Variants in ZSWIM6 observed in about 807,000 individuals in gnomAD.
The protein encoded by ZSWIM6 is zinc finger SWIM-type containing 6, also known as zinc finger SWIM domain-containing protein 6.
In ZSWIM6, 9 loss-of-function variants were observed where a neutral mutation model predicts 113.2. The observed-to-expected ratio is 0.08, with a 90% confidence interval of 0.05 to 0.14. ZSWIM6 has a LOEUF of 0.14. Among genes scored for constraint, ZSWIM6 ranks in the 10% least tolerant of loss-of-function variants. The probability of loss-of-function intolerance (pLI) is 1.00; values close to 1 mark genes in which losing one functional copy is unlikely to be tolerated. For missense variants in ZSWIM6, 1,162 were observed against 1,552.2 expected (o/e 0.75, Z 4.22); for synonymous variants, 611 against 606.5 (o/e 1.01, Z -0.11).
intron 1 of ZSWIM6, chr5:61,375,565 T>G: frequency 6.5e-7 from 1 of 1,536,616 alleles, no homozygotes; most frequent in South Asian, 1.2e-5. Context: ...AGAAACTGAA[T>G]CAGACAGTAA....
rs1580067699 is a variant in ZSWIM6, at chr5:61,531,412, A to G, written c.1985-53A>G. On this transcript the variant is annotated intron_variant, in intron 8 of 13. Transcript: ENST00000252744. ...AAGTATAAATATTTGTACTTATCAT[A>G]TCATCTGCAAAAGTAGTTTCTGAGC... is the stretch of plus-strand genomic sequence containing the variant. The G allele has an allele frequency of 8.6e-6, 13 of 1,513,562 alleles. No individual in the cohort carries two copies. In the Admixed American group the frequency reaches 2.5e-4, roughly 29 times the overall value. 93.8% of individuals were successfully genotyped at this position (1,513,562 alleles called of 1,614,324 possible).
At chr5:61,382,708 G>A (rs534961863) in intron 1 of ZSWIM6, among the ~76,000 whole-genome samples, 1 of 152,188 alleles carries the variant, frequency 6.6e-6, no homozygotes, top group Admixed American at 6.5e-5. Flanking sequence ...GGAAGGCTGA[G>A]GCAGGAGGAT....
At chr5:61,449,610 A>G (rs1245965277) in intron 1 of ZSWIM6, among the ~76,000 whole-genome samples, 1 of 152,208 alleles carries the variant, frequency 6.6e-6, no homozygotes, top group Admixed American at 6.5e-5. Context: ...GTAAAATTAT[A>G]TCAGTCTGCA....
chr5:61,425,807 G>A (rs1466572158), intron 1 of ZSWIM6, among the ~76,000 whole-genome samples: 1 of 152,206 alleles, frequency 6.6e-6, no homozygotes, highest in African/African-American at 2.4e-5. Flanking sequence ...AGAATGACAG[G>A]AATGTTGAGA....
intron 1 of ZSWIM6, among the ~76,000 whole-genome samples, chr5:61,434,796 G>A (rs906982471): frequency 6.6e-6 from 1 of 152,134 alleles, no homozygotes; most frequent in African/African-American, 2.4e-5. Flanking sequence ...GAGGGGTGGA[G>A]TGGAGGATGT....
chr5:61,345,847 T>A (rs1017900264), intron 1 of ZSWIM6, among the ~76,000 whole-genome samples: 1 of 152,224 alleles, frequency 6.6e-6, no homozygotes, highest in Non-Finnish European at 1.5e-5. Context: ...GAATTTACTC[T>A]TATGGAAATA....
At chr5:61,363,191 C>T (rs1745069125) in intron 1 of ZSWIM6, among the ~76,000 whole-genome samples, 1 of 152,190 alleles carries the variant, frequency 6.6e-6, no homozygotes, top group Non-Finnish European at 1.5e-5. Context: ...GATCTGAACC[C>T]TCTGAGGCCA....
chr5:61,535,564 T>C lies in ZSWIM6; in HGVS notation c.2326T>C (p.Ser776Pro), dbSNP rs1749553810. 6.4e-7 allele frequency: 1 copy of C among 1,551,332 alleles called. No individual in the cohort carries two copies. Among genetic ancestry groups the C allele is most frequent in the Non-Finnish European group, 8.7e-7 (1 of 1,146,748 alleles). The change falls in exon 10 of 14, where the codon TCT becomes CCT. Residue 776 changes from serine (S) to proline (P), a missense_variant. Around this residue, in one of 4 missense-constraint regions of ZSWIM6, gnomAD observed 620 missense variants for 804.6 expected, o/e 0.77. Transcript: ENST00000252744. ...CACATTTGCCAAGTATCTCTTCACC[T>C]CTCTCCTACCTCACGATGCTGAATT... ...MHTFAKYLFT[S>P]LLPHDAELAY...
At chr5:61,409,177 A>G (rs571751893) in intron 1 of ZSWIM6, among the ~76,000 whole-genome samples, 1 of 149,774 alleles carries the variant, frequency 6.7e-6, no homozygotes, top group Admixed American at 6.7e-5. Context: ...CACATACCAA[A>G]TTGTCCAACT....
chr5:61,363,533 A>G (rs1231523460), intron 1 of ZSWIM6, among the ~76,000 whole-genome samples: 5 of 152,128 alleles, frequency 3.3e-5, no homozygotes, highest in African/African-American at 9.7e-5. Context: ...TAGACTCAAC[A>G]TATTTTCTAA....
At chr5:61,446,176 C>T (rs1427722855) in intron 1 of ZSWIM6, among the ~76,000 whole-genome samples, 1 of 152,156 alleles carries the variant, frequency 6.6e-6, no homozygotes, top group African/African-American at 2.4e-5. Context: ...ACAGACGCTC[C>T]ACCACTCCCA....
chr5:61,403,902 T>C lies in ZSWIM6; in HGVS notation c.677-68779T>C, dbSNP rs111920471. Among the ~76,000 whole-genome samples the C allele has an allele frequency of 1.9e-4, 29 of 152,372 alleles. 2 individuals are homozygous for C. Among genetic ancestry groups the C allele is most frequent in the African/African-American group, 7.0e-4 (29 of 41,592 alleles). On this transcript the variant is annotated intron_variant, in intron 1 of 13. Coordinates refer to ENST00000252744, the MANE Select transcript of ZSWIM6 (RefSeq NM_020928.2). ...GAATTCACTCCCTGAAGTATATTTT[T>C]GAGTAGCTTTCCTTGGATAGTTTAA... is the stretch of plus-strand genomic sequence containing the variant.
At chr5:61,451,731 A>G (rs1412105266) in intron 1 of ZSWIM6, among the ~76,000 whole-genome samples, 1 of 152,170 alleles carries the variant, frequency 6.6e-6, no homozygotes, top group East Asian at 1.9e-4. Context: ...AATGGGTGTA[A>G]TACTTTCTGC....
chr5:61,353,899 G>A (rs1052307272), intron 1 of ZSWIM6, among the ~76,000 whole-genome samples: 2 of 152,186 alleles, frequency 1.3e-5, no homozygotes, highest in Non-Finnish European at 2.9e-5. Flanking sequence ...CTCAGTTACT[G>A]GAAGGCACAA....
chr5:61,426,970 C>A (rs1052589597), intron 1 of ZSWIM6, among the ~76,000 whole-genome samples: 1 of 152,072 alleles, frequency 6.6e-6, no homozygotes, highest in Non-Finnish European at 1.5e-5. Flanking sequence ...TCAGTCAAAG[C>A]GTTTTCCAAT....
At chr5:61,463,203 A>G (rs530700803) in intron 1 of ZSWIM6, among the ~76,000 whole-genome samples, 4 of 152,356 alleles carry the variant, frequency 2.6e-5, no homozygotes, top group East Asian at 1.9e-4. Flanking sequence ...ATTAATAACT[A>G]TGATAGTAAC....
intron 4 of ZSWIM6, among the ~76,000 whole-genome samples, chr5:61,519,522 T>G (rs1274329803): frequency 6.6e-6 from 1 of 152,150 alleles, no homozygotes; most frequent in Non-Finnish European, 1.5e-5. Context: ...GCTCTTACTT[T>G]TCAGAATCCT....
chr5:61,347,390 G>T, intron 1 of ZSWIM6: 2 of 169,398 alleles, frequency 1.2e-5, no homozygotes, highest in South Asian at 3.2e-4. Flanking sequence ...GTGGAGAGCT[G>T]ACCATGGAGC....
intron 1 of ZSWIM6, among the ~76,000 whole-genome samples, chr5:61,374,239 A>C (rs1561212365): frequency 6.6e-6 from 1 of 152,200 alleles, no homozygotes; most frequent in African/African-American, 2.4e-5. Flanking sequence ...GTCTTTTTAA[A>C]TTCTTTATGC....
Sources: allele counts gnomAD v4.1 joint callset (sites outside exome capture counted in the v4.1 genomes callset), GRCh38; gene constraint gnomAD v4.1.1; regional missense constraint gnomAD v4.1.1; transcripts MANE v1.5; gene names NCBI Gene and HGNC (gene_info 2026-07-23, HGNC 2026-07-21).